The following MAML2 variants were observed in gnomAD, a reference collection of about 807,000 sequenced individuals.
The protein encoded by MAML2 is mastermind like transcriptional coactivator 2, also known as mastermind-like protein 2.
A neutral mutation model predicts 96.1 loss-of-function variants in MAML2; 22 were observed. The observed-to-expected ratio is 0.23, with a 90% CI of 0.16 to 0.33. The LOEUF (loss-of-function observed/expected upper bound fraction) is 0.33, where lower values mean the gene tolerates loss of function less well. Among genes scored for constraint, MAML2 ranks in the 10% least tolerant of loss-of-function variants. The probability of loss-of-function intolerance (pLI) is 1.00; values close to 1 mark genes in which losing one functional copy is unlikely to be tolerated. For synonymous variants in MAML2, 561 were observed against 521.3 expected, an observed-to-expected ratio of 1.08 and a Z score of -1.04; for missense variants, 1,367 against 1,392.4, an observed-to-expected ratio of 0.98 and a Z score of 0.29.
intron 1 of MAML2, among the ~76,000 whole-genome samples, chr11:96,112,262 T>C (rs1860141821): frequency 6.6e-6 from 1 of 152,202 alleles, no homozygotes; most frequent in African/African-American, 2.4e-5. Flanking sequence ...AGAAAGCAAT[T>C]AAGAGGAAAT....
At chr11:96,013,440 T>C (rs1189810285) in intron 2 of MAML2, among the ~76,000 whole-genome samples, 1 of 151,866 alleles carries the variant, frequency 6.6e-6, no homozygotes, top group East Asian at 1.9e-4. Context: ...GTGGTCCCTT[T>C]AAATGACATG....
At chr11:96,037,942 G>A (rs1278297516) in intron 2 of MAML2, among the ~76,000 whole-genome samples, 1 of 152,152 alleles carries the variant, frequency 6.6e-6, no homozygotes, top group African/African-American at 2.4e-5. Flanking sequence ...TAGGCAGGGT[G>A]GGGCTGTGAA....
intron 4 of MAML2, 75 bp downstream of exon 4, chr11:95,985,456 A>G: frequency 1.3e-6 from 1 of 794,114 alleles, no homozygotes; most frequent in Non-Finnish European, 2.0e-6. Context: ...TATGTGAGTT[A>G]CAGGGATTAT....
chr11:96,095,840 C>CTAGG (rs1859817318), intron 1 of MAML2, among the ~76,000 whole-genome samples: 1 of 152,202 alleles, frequency 6.6e-6, no homozygotes, highest in South Asian at 2.1e-4. Context: ...CAGCAAGGGG[C>CTAGG]TAGGCATGCT....
intron 1 of MAML2, among the ~76,000 whole-genome samples, chr11:96,266,439 T>C (rs1479364758): frequency 6.6e-6 from 1 of 151,690 alleles, no homozygotes; most frequent in African/African-American, 2.4e-5. Context: ...GGCGTGGTGG[T>C]GGGCACCTGT....
At chr11:96,015,540 C>G (rs1858332192) in intron 2 of MAML2, among the ~76,000 whole-genome samples, 1 of 121,496 alleles carries the variant, frequency 8.2e-6, no homozygotes, top group Admixed American at 1.2e-4. Context: ...TGTGGAAGAG[C>G]TAACCATAAA....
At chr11:96,022,658 C>CA (rs1858453698) in intron 2 of MAML2, among the ~76,000 whole-genome samples, 2 of 152,166 alleles carry the variant, frequency 1.3e-5, no homozygotes, top group African/African-American at 4.8e-5. Flanking sequence ...GCTGGCTCTG[C>CA]CACTTACTTT....
rs143771080 is a variant in MAML2, at chr11:96,276,195, A to G, written c.513+65188T>C. On this transcript the variant is annotated intron_variant, in intron 1 of 4. Transcript: ENST00000524717. ...TCCATTCTCTACTTCTAGAGAAAGC[A>G]GTAACTGACAGAATAATATAATGTC... Among the ~76,000 whole-genome samples the G allele has an allele frequency of 5.9e-5, 9 of 152,358 alleles. No homozygotes were observed. In the East Asian group the frequency reaches 1.7e-3, roughly 29 times the overall value.
intron 2 of MAML2, among the ~76,000 whole-genome samples, chr11:96,068,492 A>AGG (rs1565204601): frequency 6.9e-6 from 1 of 145,428 alleles, no homozygotes; most frequent in African/African-American, 2.5e-5. Flanking sequence ...GGAGGGAGGG[A>AGG]GAGAGAGAGA....
intron 2 of MAML2, among the ~76,000 whole-genome samples, chr11:96,065,936 G>C (rs1223008266): frequency 6.6e-6 from 1 of 152,088 alleles, no homozygotes; most frequent in Non-Finnish European, 1.5e-5. Flanking sequence ...AGGCGCAATA[G>C]GAAACTGGTT....
intron 1 of MAML2, among the ~76,000 whole-genome samples, chr11:96,119,137 T>C (rs1860293605): frequency 6.6e-6 from 1 of 152,240 alleles, no homozygotes; most frequent in African/African-American, 2.4e-5. Context: ...AGCAGTATTA[T>C]GGTAGGCAGG....
At chr11:96,255,315 C>T (rs1258500381) in intron 1 of MAML2, among the ~76,000 whole-genome samples, 1 of 152,208 alleles carries the variant, frequency 6.6e-6, no homozygotes, top group African/African-American at 2.4e-5. Flanking sequence ...ATGCTGATTA[C>T]TGACTGAGCA....
At chr11:96,244,129 G>A (rs1862479643) in intron 1 of MAML2, among the ~76,000 whole-genome samples, 1 of 152,154 alleles carries the variant, frequency 6.6e-6, no homozygotes, top group Non-Finnish European at 1.5e-5. Context: ...GGGGCTGTGC[G>A]GCCTAATGGC....
In MAML2 at chr11:96,112,852, C is replaced by T. The variant is rs118034076; in HGVS notation, c.514-19335G>A. 5.9e-5 allele frequency among the ~76,000 whole-genome samples: 9 copies of T among 152,162 alleles called. No homozygotes were observed. In the East Asian group the frequency reaches 1.7e-3, roughly 29 times the overall value. ...AATTGAAAGTGTTTTCAGAAAGAAACAGAAAAAGAAAGGCAAGAAAGAAAG... is the reference window on the plus strand; with the variant it reads ...AATTGAAAGTGTTTTCAGAAAGAAATAGAAAAAGAAAGGCAAGAAAGAAAG... On this transcript the variant is annotated intron_variant, in intron 1 of 4. Transcript: ENST00000524717.
chr11:96,281,989 C>T (rs1002977523), intron 1 of MAML2, among the ~76,000 whole-genome samples: 2 of 152,128 alleles, frequency 1.3e-5, no homozygotes, highest in African/African-American at 4.8e-5. Flanking sequence ...GTGGCTCATG[C>T]CTGTAATCCC....
At chr11:96,030,724 C>T (rs1383424545) in intron 2 of MAML2, among the ~76,000 whole-genome samples, 1 of 152,178 alleles carries the variant, frequency 6.6e-6, no homozygotes, top group Non-Finnish European at 1.5e-5. Flanking sequence ...TGACCATTGA[C>T]CTGACAGAGA....
At chr11:96,283,453 A>C (rs1413529338) in intron 1 of MAML2, among the ~76,000 whole-genome samples, 1 of 152,206 alleles carries the variant, frequency 6.6e-6, no homozygotes, top group Non-Finnish European at 1.5e-5. Flanking sequence ...TACCAACAAA[A>C]ACAAAATGCA....
At chr11:96,007,231 TTGATCTCCCGACCTCG>T (rs1028561820) in intron 2 of MAML2, among the ~76,000 whole-genome samples, 14 of 151,394 alleles carry the variant, frequency 9.2e-5, no homozygotes, top group Admixed American at 7.9e-4. Flanking sequence ...CAGGATGGTC[TTGATCTCCCGACCTCG>T]TGATCCACCC....
At position 96,341,574 on chromosome 11, in the gene MAML2, G is replaced by A. The variant is rs2072858584; in HGVS notation, c.322C>T (p.Pro108Ser). The A allele has an allele frequency of 6.4e-7, 1 of 1,551,112 alleles. No homozygotes were observed. The highest frequency in any genetic ancestry group is 8.7e-7 in the Non-Finnish European group (1 of 1,146,962). Reference sequence around the variant, plus strand: ...GAGGCCGCAGGAGGGGCAGCAGGGGGCGGTGGAGGGGCTGTAGTGGTGGCA... The same window carrying A: ...GAGGCCGCAGGAGGGGCAGCAGGGGACGGTGGAGGGGCTGTAGTGGTGGCA... ...TAATTTAPPP[P>S]PAAPPAASQA... Residue 108 changes from proline (P) to serine (S), a missense_variant, in exon 1 of 5, where the codon CCC becomes TCC. By Grantham distance (74) the Pro-to-Ser change is moderately conservative. Coordinates refer to ENST00000524717, the MANE Select transcript of MAML2 (RefSeq NM_032427.4).
Sources: allele counts gnomAD v4.1 joint callset (sites outside exome capture counted in the v4.1 genomes callset), GRCh38; gene constraint gnomAD v4.1.1; transcripts MANE v1.5; gene names NCBI Gene and HGNC (gene_info 2026-07-23, HGNC 2026-07-21).